The following PTK2 variants were observed in gnomAD, a reference collection of about 807,000 sequenced individuals.
PTK2 encodes focal adhesion kinase 1.
PTK2 carries 45 observed loss-of-function variants against 150.1 expected under a neutral mutation model. The observed-to-expected ratio is 0.30, with a 90% CI of 0.24 to 0.38. PTK2 has a LOEUF of 0.38. Ranked by LOEUF, PTK2 falls within the 10% of genes least tolerant of loss-of-function variation. The pLI is 1.00. For missense variants in PTK2, 919 were observed against 1,307.3 expected (o/e 0.70, Z 4.58); for synonymous variants, 432 against 449.2 (o/e 0.96, Z 0.48).
At position 140,725,844 on chromosome 8, in the gene PTK2, C is replaced by T. The variant is rs1017208137; in HGVS notation, c.2031-8135G>A. ...ATATAATCTAACATTCCTTGATATA[C>T]AAAAAAAAAAAAAACCCATAAAAAT... On this transcript the variant is annotated intron_variant, in intron 22 of 31. Transcript: ENST00000522684. Among the ~76,000 whole-genome samples the T allele has an allele frequency of 1.4e-4, 10 of 69,928 alleles. No individual in the cohort carries two copies. In the South Asian group the frequency reaches 4.1e-3, roughly 29 times the overall value. The allele number at this position is 69,928 out of a possible 152,430, so 45.9% of individuals were successfully genotyped here. A position where few individuals can be genotyped will look rare whatever the true frequency, so the allele number is the denominator to read the frequency against.
At chr8:140,701,604 T>C (rs965332711) in intron 25 of PTK2, among the ~76,000 whole-genome samples, 10 of 152,186 alleles carry the variant, frequency 6.6e-5, no homozygotes, top group Non-Finnish European at 1.3e-4. Flanking sequence ...TTCTTGGTTT[T>C]ACCAAGAAAA....
intron 2 of PTK2, among the ~76,000 whole-genome samples, chr8:140,925,377 C>G (rs939600970): frequency 2.6e-5 from 4 of 152,148 alleles, no homozygotes; most frequent in African/African-American, 4.8e-5. Context: ...TACAATATAT[C>G]CTAACTTTAG....
intron 1 of PTK2, among the ~76,000 whole-genome samples, chr8:140,955,306 C>A (rs2100180858): frequency 6.6e-6 from 1 of 152,166 alleles, no homozygotes. Context: ...GCAAATAAGT[C>A]TCACAAGATC....
At chr8:140,750,510 A>C (rs2100062045) in intron 17 of PTK2, 1 of 152,268 alleles carries the variant, frequency 6.6e-6, no homozygotes, top group Non-Finnish European at 1.5e-5. Flanking sequence ...GTGTGACAAA[A>C]AATAGTAAGG....
intron 30 of PTK2, among the ~76,000 whole-genome samples, chr8:140,667,362 G>A (rs1243772984): frequency 6.6e-6 from 1 of 152,176 alleles, no homozygotes; most frequent in Non-Finnish European, 1.5e-5. Flanking sequence ...CTGTGAACTG[G>A]AGGACACCCC....
intron 22 of PTK2, chr8:140,734,655 C>G (rs752810540): frequency 2.1e-6 from 1 of 477,802 alleles, no homozygotes; most frequent in African/African-American, 2.0e-5. Context: ...AAAATGGCAC[C>G]TGAACAAGCA....
chr8:140,935,536 T>C (rs189385785), intron 1 of PTK2, among the ~76,000 whole-genome samples: 5 of 152,068 alleles, frequency 3.3e-5, no homozygotes, highest in East Asian at 1.9e-4. Context: ...GGTTATCCTA[T>C]ACTAGAGACA....
chr8:140,876,037 C>A (rs748780517), intron 4 of PTK2, among the ~76,000 whole-genome samples: 3 of 152,116 alleles, frequency 2.0e-5, no homozygotes, highest in South Asian at 2.1e-4. Flanking sequence ...TTTTTTCATA[C>A]GATATTAACA....
At chr8:140,771,659 GT>G (rs1240616449) in intron 14 of PTK2, among the ~76,000 whole-genome samples, 1 of 152,038 alleles carries the variant, frequency 6.6e-6, no homozygotes, top group East Asian at 1.9e-4. Flanking sequence ...GGTCAGGACT[GT>G]TTGCCCATCA....
In PTK2 at chr8:140,920,827, C is replaced by CA. The variant is rs1441079656; in HGVS notation, c.-33+4833dup. On this transcript the variant is annotated intron_variant, in intron 2 of 31. Coordinates refer to ENST00000522684, the Ensembl canonical transcript of PTK2. ...AGTTATTTATACCTTTAGCCCAACA[C>CA]ACTGGAAATGGACTACATCCGCTTT... 3.9e-6 allele frequency: 6 copies of CA among 1,519,440 alleles called. No homozygotes were observed. The African/African-American group carries it at 8.4e-5, about 21-fold the overall frequency. 94.1% of individuals were successfully genotyped at this position (1,519,440 alleles called of 1,614,324 possible). A position where few individuals can be genotyped will look rare whatever the true frequency, so the allele number is the denominator to read the frequency against.
At chr8:140,939,821 T>C (rs1007193160) in intron 1 of PTK2, among the ~76,000 whole-genome samples, 1 of 152,258 alleles carries the variant, frequency 6.6e-6, no homozygotes, top group African/African-American at 2.4e-5. Context: ...TATTTATTAG[T>C]GATAATCTCG....
chr8:140,962,448 A>G (rs1278367211), intron 1 of PTK2, among the ~76,000 whole-genome samples: 1 of 152,164 alleles, frequency 6.6e-6, no homozygotes, highest in African/African-American at 2.4e-5. Context: ...TCAGTATACT[A>G]TGCCTACTAC....
intron 29 of PTK2, chr8:140,672,288 C>G (rs915007732): frequency 6.0e-6 from 2 of 330,994 alleles, no homozygotes; most frequent in South Asian, 4.7e-5. Context: ...CTCAGCCTCC[C>G]GAGTAGCTGG....
chr8:140,960,525 A>T (rs2100182772), intron 1 of PTK2, among the ~76,000 whole-genome samples: 1 of 152,108 alleles, frequency 6.6e-6, no homozygotes, highest in Admixed American at 6.6e-5. Flanking sequence ...ACCCTTAAAA[A>T]AAGAATAAGT....
At position 140,864,470 on chromosome 8, in the gene PTK2, T is replaced by C. The variant is rs1055009112; in HGVS notation, c.363-71A>G. ...CTCAATTTACAGTCTACAATTATAA[T>C]ATTGTGAGTATAGCATTCCTAATTA... On this transcript the variant is annotated intron_variant, in intron 4 of 31. Coordinates refer to ENST00000522684, the Ensembl canonical transcript of PTK2. The C allele has an allele frequency of 2.5e-5, 20 of 809,436 alleles. No individual in the cohort carries two copies. The African/African-American group carries it at 3.5e-4, about 14-fold the overall frequency. The allele number at this position is 809,436 out of a possible 1,614,324, so 50.1% of individuals were successfully genotyped here.
chr8:140,731,523 A>G (rs943339530), intron 22 of PTK2, among the ~76,000 whole-genome samples: 3 of 152,216 alleles, frequency 2.0e-5, no homozygotes, highest in Non-Finnish European at 4.4e-5. Context: ...TCATCAAAGT[A>G]GGACCAAGGT....
At chr8:140,804,396 G>A (rs769063515) in intron 10 of PTK2, among the ~76,000 whole-genome samples, 4 of 151,520 alleles carry the variant, frequency 2.6e-5, no homozygotes, top group Non-Finnish European at 4.4e-5. Flanking sequence ...AAGCAGCCTG[G>A]GCAACATAGT....
chr8:140,659,334 C>T (rs1428942760), exon 32 of PTK2: 1 of 676,186 alleles, frequency 1.5e-6, no homozygotes, highest in Non-Finnish European at 2.4e-6. Context: ...GATTTTTCAA[C>T]CAGATGGTCA....
At chr8:140,780,411 A>G (rs1409520421) in intron 14 of PTK2, among the ~76,000 whole-genome samples, 1 of 152,084 alleles carries the variant, frequency 6.6e-6, no homozygotes, top group Non-Finnish European at 1.5e-5. Context: ...GGAGGGGGGG[A>G]ATCAAGCCCA....
Sources: allele counts gnomAD v4.1 joint callset (sites outside exome capture counted in the v4.1 genomes callset), GRCh38; gene constraint gnomAD v4.1.1; transcripts MANE v1.5; gene names NCBI Gene and HGNC (gene_info 2026-07-23, HGNC 2026-07-21).